CXCL13: variants seen among roughly 807,000 people sequenced by gnomAD.
CXCL13 encodes C-X-C motif chemokine ligand 13.
In CXCL13, 7 loss-of-function variants were observed where a neutral mutation model predicts 12.2. That is an observed-to-expected ratio of 0.57 (90% CI 0.33 to 1.07). CXCL13 has a LOEUF of 1.07. Among genes scored for constraint, CXCL13 ranks in the 50% least tolerant of loss-of-function variants. The pLI is 0.04. For synonymous variants in CXCL13, 47 were observed against 42.4 expected (o/e 1.11, Z -0.42); for missense variants, 113 against 127.4 (o/e 0.89, Z 0.55).
chr4:77,515,480 C>T (rs1310428018), intron 1 of CXCL13, among the ~76,000 whole-genome samples: 1 of 152,164 alleles, frequency 6.6e-6, no homozygotes, highest in Admixed American at 6.5e-5. Context: ...TCTTTTATTT[C>T]ATTGAGCAGT....
intron 1 of CXCL13, among the ~76,000 whole-genome samples, chr4:77,553,748 G>T (rs190968101): frequency 2.8e-4 from 42 of 152,272 alleles, no homozygotes; most frequent in Admixed American, 2.6e-3. Flanking sequence ...TGATCTTTGT[G>T]TACTACCTCG....
At chr4:77,544,569 C>A (rs1725303586) in intron 1 of CXCL13, among the ~76,000 whole-genome samples, 1 of 152,154 alleles carries the variant, frequency 6.6e-6, no homozygotes, top group South Asian at 2.1e-4. Flanking sequence ...TGTTCATATT[C>A]TTTGCCCACT....
chr4:77,570,700 C>G (rs901250829), intron 1 of CXCL13, among the ~76,000 whole-genome samples: 3 of 152,020 alleles, frequency 2.0e-5, no homozygotes. Context: ...CTGCGCGCAG[C>G]GCTTGTGGGC....
In CXCL13 at chr4:77,608,284, T is replaced by C. The variant is rs539370259; in HGVS notation, c.197+449T>C. Among the ~76,000 whole-genome samples the C allele has an allele frequency of 3.7e-3, 556 of 152,044 alleles. 5 individuals carry two copies. Among genetic ancestry groups the C allele is most frequent in the Admixed American group, 6.9e-3 (105 of 15,280 alleles). ...GGAGAAACCCCGTCTCTACTAAAAA[T>C]ACAAAATTAGCCGGGTGTGGTGGTT... On this transcript the variant is annotated intron_variant, in intron 2 of 3. Transcript: ENST00000682537.
In CXCL13 at chr4:77,583,000, T is replaced by C. The variant is rs72861948; in HGVS notation, c.-42-22824T>C. Among the ~76,000 whole-genome samples, 560 of 152,296 alleles carry C rather than the reference T, an allele frequency of 3.7e-3. 6 individuals carry two copies. The highest frequency in any genetic ancestry group is 0.013 in the African/African-American group (534 of 41,576). On this transcript the variant is annotated intron_variant, in intron 1 of 4. Transcript: ENST00000286758. ...GTCATGGCTGAAGATGCCATTATAA[T>C]AGTCATGCTGTTACTGGGGTTGAAG... is the stretch of plus-strand genomic sequence containing the variant.
At chr4:77,515,580 G>C (rs948010425) in intron 1 of CXCL13, among the ~76,000 whole-genome samples, 5 of 152,254 alleles carry the variant, frequency 3.3e-5, no homozygotes, top group Admixed American at 1.3e-4. Flanking sequence ...TTGTGAATGG[G>C]AGTTCACTCA....
In CXCL13 at chr4:77,546,858, C is replaced by A. The variant is rs59275487; in HGVS notation, c.-43+35070C>A. On this transcript the variant is annotated intron_variant, in intron 1 of 4. Transcript: ENST00000286758. ...GGGTGTTGATTTTAGATCTTTCCTG[C>A]TTTCTCTTATGGGCATTTAGTGCTA... 3.7e-3 allele frequency among the ~76,000 whole-genome samples: 567 copies of A among 152,262 alleles called. 4 individuals are homozygous for A. The highest frequency in any genetic ancestry group is 0.013 in the African/African-American group (536 of 41,546).
chr4:77,605,064 C>G (rs1301373703), upstream of CXCL13, among the ~76,000 whole-genome samples: 1 of 152,060 alleles, frequency 6.6e-6, no homozygotes, highest in Non-Finnish European at 1.5e-5. Context: ...ATATGGGGTT[C>G]ACCCTCTAAT....
intron 1 of CXCL13, among the ~76,000 whole-genome samples, chr4:77,572,706 C>T (rs879233164): frequency 2.6e-5 from 4 of 151,888 alleles, no homozygotes; most frequent in Admixed American, 2.6e-4. Flanking sequence ...AACAGAGATA[C>T]CATTTGACCC....
rs141129368 is a variant in CXCL13, at chr4:77,534,128, T to C, written c.-43+22340T>C. ...AATCACCCGTCTTCTGCGTTGCTCA[T>C]GCTGGGAGCTGTAGACTGGAGTTGT... On this transcript the variant is annotated intron_variant, in intron 1 of 4. Transcript: ENST00000286758. 3.3e-3 allele frequency among the ~76,000 whole-genome samples: 510 copies of C among 152,346 alleles called. 5 individuals are homozygous for C. Among genetic ancestry groups the C allele is most frequent in the African/African-American group, 0.012 (479 of 41,592 alleles).
chr4:77,514,989 T>G (rs1463794142), intron 1 of CXCL13, among the ~76,000 whole-genome samples: 2 of 152,092 alleles, frequency 1.3e-5, no homozygotes, highest in Admixed American at 6.5e-5. Flanking sequence ...TTGTATAAGG[T>G]GTAAGGAAGG....
chr4:77,554,426 T>C (rs1725612004), intron 1 of CXCL13, among the ~76,000 whole-genome samples: 1 of 152,196 alleles, frequency 6.6e-6, no homozygotes, highest in Non-Finnish European at 1.5e-5. Context: ...AATGTGCATG[T>C]ATCTAATTAC....
At chr4:77,569,592 A>G (rs983015633) in intron 1 of CXCL13, among the ~76,000 whole-genome samples, 2 of 152,212 alleles carry the variant, frequency 1.3e-5, no homozygotes, top group Non-Finnish European at 1.5e-5. Context: ...TTCTACAAGG[A>G]GACCTACAAG....
intron 1 of CXCL13, among the ~76,000 whole-genome samples, chr4:77,513,216 G>A (rs1256206231): frequency 6.6e-6 from 1 of 152,070 alleles, no homozygotes; most frequent in Non-Finnish European, 1.5e-5. Context: ...TCGGTTCCAA[G>A]TCTTTGCTAT....
At chr4:77,552,503 G>A (rs1312191885) in intron 1 of CXCL13, among the ~76,000 whole-genome samples, 2 of 152,216 alleles carry the variant, frequency 1.3e-5, no homozygotes, top group Admixed American at 1.3e-4. Flanking sequence ...ACTGAGAGAA[G>A]CTCTCTGTTG....
At chr4:77,568,881 A>G (rs951169854) in intron 1 of CXCL13, among the ~76,000 whole-genome samples, 1 of 152,028 alleles carries the variant, frequency 6.6e-6, no homozygotes. Flanking sequence ...CTGTAACAGT[A>G]TTTTCTTTTC....
At chr4:77,531,669 G>C (rs552856174) in intron 1 of CXCL13, among the ~76,000 whole-genome samples, 70 of 152,172 alleles carry the variant, frequency 4.6e-4, no homozygotes, top group African/African-American at 1.6e-3. Context: ...CATTATTATT[G>C]TGTGGGAGTC....
At chr4:77,548,263 T>C (rs1228930124) in intron 1 of CXCL13, among the ~76,000 whole-genome samples, 2 of 152,296 alleles carry the variant, frequency 1.3e-5, no homozygotes, top group East Asian at 3.9e-4. Context: ...TTCCAAACTC[T>C]CCTGCGGCCT....
intron 1 of CXCL13, among the ~76,000 whole-genome samples, chr4:77,570,051 C>T (rs146491993): frequency 3.1e-3 from 470 of 152,310 alleles, no homozygotes; most frequent in African/African-American, 0.011. Flanking sequence ...ATAAATGGTA[C>T]TGGGATAACT....
Sources: allele counts gnomAD v4.1 joint callset (sites outside exome capture counted in the v4.1 genomes callset), GRCh38; gene constraint gnomAD v4.1.1; transcripts MANE v1.5; gene names NCBI Gene and HGNC (gene_info 2026-07-23, HGNC 2026-07-21).